The following RNF217 variants were observed in gnomAD, a reference collection of about 807,000 sequenced individuals.
RNF217 encodes the protein E3 ubiquitin-protein ligase RNF217.
RNF217 carries 31 observed loss-of-function variants against 57.8 expected under a neutral mutation model. That is an observed-to-expected ratio of 0.54 (90% CI 0.40 to 0.72). RNF217 has a LOEUF of 0.72. Ranked by LOEUF, RNF217 falls within the 30% of genes least tolerant of loss-of-function variation. The pLI, the probability that RNF217 is intolerant of heterozygous loss-of-function variation, is 0.00. For synonymous variants in RNF217, 313 were observed against 294.0 expected, an observed-to-expected ratio of 1.06 and a Z score of -0.66; for missense variants, 696 against 708.3, an observed-to-expected ratio of 0.98 and a Z score of 0.20.
intron 3 of RNF217, among the ~76,000 whole-genome samples, chr6:125,065,829 T>TTTTTG (rs1333387531): frequency 6.6e-6 from 1 of 152,190 alleles, no homozygotes; most frequent in African/African-American, 2.4e-5. Flanking sequence ...GTTGGCTCAG[T>TTTTTG]CGGTAGGCAA....
intron 1 of RNF217, among the ~76,000 whole-genome samples, chr6:125,031,224 C>T (rs1231427134): frequency 6.6e-6 from 1 of 152,206 alleles, no homozygotes; most frequent in Non-Finnish European, 1.5e-5. Flanking sequence ...CGCCTCCAGG[C>T]CTGTGATGCT....
Position 125,088,201 on chromosome 6 carries a change from T to A in RNF217, c.*5264T>A. The A allele has an allele frequency of 6.6e-6, 1 of 152,108 alleles. No individual in the cohort carries two copies. Among genetic ancestry groups the A allele is most frequent in the South Asian group, 2.1e-4 (1 of 4,818 alleles). The allele number at this position is 152,108 out of a possible 1,614,324, so 9.4% of individuals were successfully genotyped here. On this transcript the variant is annotated 3_prime_UTR_variant, in exon 6 of 6. Coordinates refer to ENST00000521654, the MANE Select transcript of RNF217 (RefSeq NM_001286398.3). The stretch of plus-strand genomic sequence containing the variant: ...TTTATAGCCACAATTATTAATTTGA[T>A]AAAACAAATAATTTTATAGAAGCAT...
intron 1 of RNF217, among the ~76,000 whole-genome samples, chr6:124,968,742 T>C (rs1263891735): frequency 6.6e-6 from 1 of 152,234 alleles, no homozygotes; most frequent in Non-Finnish European, 1.5e-5. Context: ...AGAGCTTTTA[T>C]ACCTGAAGGC....
chr6:125,057,506 A>G (rs1051963744), intron 2 of RNF217, among the ~76,000 whole-genome samples: 2 of 152,092 alleles, frequency 1.3e-5, no homozygotes, highest in Admixed American at 1.3e-4. Context: ...TTATTTGATG[A>G]AGCATCTGTG....
At position 124,962,763 on chromosome 6, in the gene RNF217, G is replaced by A; in HGVS notation, c.219G>A (p.Leu73=). Residue 73 remains leucine, a synonymous_variant, in exon 1 of 6, where the codon CTG becomes CTA. Transcript: ENST00000521654. This position sits in a 1 kb window ranked among gnomAD's most constrained non-coding sequence, Gnocchi z 4.6. ...GCGCCCCAGAGCCCGCGAGGAGCCT[G>A]GGGCCCCCGGGCTGGAGTAAGAGCC... is the stretch of plus-strand genomic sequence containing the variant. The part of the protein sequence containing the change: ...DTSAPEPARS[L]GPPGWSKSRA... The A allele has an allele frequency of 6.3e-7, 1 of 1,593,184 alleles. No homozygotes were observed. The highest frequency in any genetic ancestry group is 2.2e-5 in the East Asian group (1 of 44,672).
chr6:125,042,591 T>C (rs566570051), intron 1 of RNF217, among the ~76,000 whole-genome samples: 1 of 152,078 alleles, frequency 6.6e-6, no homozygotes, highest in African/African-American at 2.4e-5. Context: ...TCTTCGGAAA[T>C]TGAATAGATT....
chr6:124,976,774 G>C (rs1301908757), intron 1 of RNF217, among the ~76,000 whole-genome samples: 1 of 152,172 alleles, frequency 6.6e-6, no homozygotes, highest in African/African-American at 2.4e-5. Flanking sequence ...CAAAGTGCTG[G>C]GATTACAGGT....
intron 2 of RNF217, chr6:125,046,699 A>G: frequency 2.2e-6 from 1 of 455,784 alleles, no homozygotes; most frequent in Non-Finnish European, 4.4e-6. Flanking sequence ...TGAGAGCAGC[A>G]GTTACATTAT....
chr6:125,045,608 A>G (rs1787068090), intron 2 of RNF217, among the ~76,000 whole-genome samples, 164 bp downstream of exon 2: 1 of 152,118 alleles, frequency 6.6e-6, no homozygotes, highest in Non-Finnish European at 1.5e-5. Flanking sequence ...GAGGCTGATG[A>G]TAAGAGAGTG....
In RNF217 at chr6:124,998,483, T is replaced by A. The variant is rs570010853; in HGVS notation, c.882+35057T>A. On this transcript the variant is annotated intron_variant, in intron 1 of 5. Transcript: ENST00000521654. The stretch of plus-strand genomic sequence containing the variant: ...TACCATTTTTCTATATACATTTTTT[T>A]AATATTGGTCATAACATTTAAAAAC... 2.1e-4 allele frequency among the ~76,000 whole-genome samples: 32 copies of A among 152,344 alleles called. 1 individual carries two copies. The South Asian group carries it at 4.6e-3, about 22-fold the overall frequency.
chr6:125,024,562 C>T (rs1479688769), intron 1 of RNF217, among the ~76,000 whole-genome samples: 1 of 151,884 alleles, frequency 6.6e-6, no homozygotes, highest in African/African-American at 2.4e-5. Context: ...CACTAAAATA[C>T]CAAAAATTAG....
rs1249752975 is a variant in RNF217 at position 125,092,543 on chromosome 6, T to A, written c.*9606T>A. ...GTCATTGTACGAGCTATTGTATGGA[T>A]TACTGTGGAGTGCTGTTTACCACAT... On this transcript the variant is annotated 3_prime_UTR_variant, in exon 6 of 6. Transcript: ENST00000521654. 1 of 152,204 alleles carries A rather than the reference T, an allele frequency of 6.6e-6. No individual in the cohort carries two copies. Among genetic ancestry groups the A allele is most frequent in the Non-Finnish European group, 1.5e-5 (1 of 68,032 alleles). The allele number at this position is 152,204 out of a possible 1,614,324, so 9.4% of individuals were successfully genotyped here.
intron 3 of RNF217, among the ~76,000 whole-genome samples, chr6:125,076,270 T>A (rs1788364769): frequency 1.3e-5 from 2 of 152,200 alleles, no homozygotes; most frequent in African/African-American, 4.8e-5. Flanking sequence ...TATCTCTGCT[T>A]ATTCCCCCAA....
At chr6:125,056,255 T>G (rs1787520140) in intron 2 of RNF217, among the ~76,000 whole-genome samples, 1 of 152,190 alleles carries the variant, frequency 6.6e-6, no homozygotes, top group Admixed American at 6.6e-5. Flanking sequence ...TGTGCTGTGT[T>G]ACCTTCAGCA....
chr6:124,992,771 G>A (rs1425597017), intron 1 of RNF217, among the ~76,000 whole-genome samples: 3 of 151,920 alleles, frequency 2.0e-5, no homozygotes, highest in Non-Finnish European at 4.4e-5. Context: ...AATTCTAATT[G>A]TAAAGTAATT....
chr6:125,049,120 T>C (rs1787211154), intron 2 of RNF217, among the ~76,000 whole-genome samples: 1 of 152,054 alleles, frequency 6.6e-6, no homozygotes, highest in African/African-American at 2.4e-5. Flanking sequence ...GAATAGTTCC[T>C]GTAATTTATC....
intron 1 of RNF217, among the ~76,000 whole-genome samples, chr6:124,978,652 G>A (rs556990424): frequency 1.9e-4 from 29 of 152,018 alleles, no homozygotes; most frequent in African/African-American, 6.3e-4. Flanking sequence ...CTTTATTCTC[G>A]TCGCCCACAG....
At chr6:125,051,326 C>G (rs1787308072) in intron 2 of RNF217, among the ~76,000 whole-genome samples, 1 of 151,850 alleles carries the variant, frequency 6.6e-6, no homozygotes, top group Non-Finnish European at 1.5e-5. Flanking sequence ...AGAATCGTCT[C>G]TCTCTGATGG....
intron 1 of RNF217, among the ~76,000 whole-genome samples, chr6:125,034,365 T>C (rs139701267): frequency 1.3e-5 from 2 of 152,220 alleles, no homozygotes; most frequent in Non-Finnish European, 2.9e-5. Context: ...CTTGAATTAA[T>C]TTTTGTATAA....
Sources: gnomAD v4.1 joint callset for allele counts (sites outside exome capture counted in the v4.1 genomes callset) on GRCh38, gnomAD v4.1.1 for gene constraint, Gnocchi (gnomAD v3.1) non-coding constraint, MANE v1.5 for transcripts, NCBI Gene and HGNC (gene_info 2026-07-23, HGNC 2026-07-21) for gene names.